Variants in TENM3 observed in about 807,000 individuals in gnomAD.
TENM3 encodes teneurin-3.
In TENM3, 63 loss-of-function variants were observed where a neutral mutation model predicts 255.1. The observed-to-expected ratio is 0.25, with a 90% CI of 0.20 to 0.30. The LOEUF is 0.30. TENM3 is among the 10% of genes least tolerant of loss of function. The probability of loss-of-function intolerance (pLI) is 1.00; values close to 1 mark genes in which losing one functional copy is unlikely to be tolerated. For synonymous variants in TENM3, 1,306 were observed against 1,322.3 expected (o/e 0.99, Z 0.27); for missense variants, 2,929 against 3,461.1 (o/e 0.85, Z 3.86).
chr4:181,849,443 T>A, the TENM3 span, among the ~76,000 whole-genome samples: 6 of 152,208 alleles, frequency 3.9e-5, no homozygotes, highest in African/African-American at 9.6e-5. Flanking sequence ...CAAAGTCATT[T>A]TCCTATTGTT....
chr4:182,588,495 A>G (rs1022195057), intron 3 of TENM3, among the ~76,000 whole-genome samples: 3 of 152,220 alleles, frequency 2.0e-5, no homozygotes, highest in African/African-American at 7.2e-5. Context: ...TTTAAAGTCA[A>G]TAAAATTTAA....
chr4:182,162,084 A>G (rs1751389633), intron 1 of TENM3, among the ~76,000 whole-genome samples: 1 of 149,844 alleles, frequency 6.7e-6, no homozygotes, highest in Non-Finnish European at 1.5e-5. Context: ...ATGTCTTGCT[A>G]TGTTGTGCAG....
the TENM3 span, among the ~76,000 whole-genome samples, chr4:181,972,930 C>CA: frequency 3.3e-4 from 49 of 148,410 alleles, no homozygotes; most frequent in Middle Eastern, 3.5e-3. Context: ...TTGGTTTTGC[C>CA]AAAAAAAAAA....
intron 3 of TENM3, among the ~76,000 whole-genome samples, chr4:182,428,572 G>A (rs546437464): frequency 2.9e-4 from 44 of 151,760 alleles, no homozygotes; most frequent in South Asian, 1.7e-3. Flanking sequence ...TATTGATTCC[G>A]TCAGTCAATT....
chr4:182,662,091 GT>G (rs1306264816), intron 6 of TENM3, among the ~76,000 whole-genome samples: 1 of 152,076 alleles, frequency 6.6e-6, no homozygotes, highest in Non-Finnish European at 1.5e-5. Flanking sequence ...TTTATAAAGT[GT>G]TTTTCAGTTC....
At chr4:182,389,604 T>C (rs955678079) in intron 3 of TENM3, among the ~76,000 whole-genome samples, 2 of 152,080 alleles carry the variant, frequency 1.3e-5, no homozygotes, top group Non-Finnish European at 2.9e-5. Context: ...CTATGCACCA[T>C]ATCGTAGAGA....
rs549072755 is a variant in TENM3 at position 182,203,261 on chromosome 4, T to C, written c.-76+58507T>C. Reference sequence around the variant, plus strand: ...GAAAAGAAAATGGGCTCAAATAGAATCTTTTGGTTCCTTCTCCTCCACCCA... The same window carrying C: ...GAAAAGAAAATGGGCTCAAATAGAACCTTTTGGTTCCTTCTCCTCCACCCA... On this transcript the variant is annotated intron_variant, in intron 1 of 2. Transcript: ENST00000512480. Among the ~76,000 whole-genome samples the C allele has an allele frequency of 4.4e-4, 67 of 150,942 alleles. 1 individual carries two copies. Among genetic ancestry groups the C allele is most frequent in the Non-Finnish European group, 4.1e-4 (28 of 67,740 alleles).
chr4:182,738,129 T>C (rs1168199422), intron 17 of TENM3, among the ~76,000 whole-genome samples: 3 of 152,160 alleles, frequency 2.0e-5, no homozygotes, highest in Non-Finnish European at 2.9e-5. Flanking sequence ...ATCTGGACTT[T>C]ATTTTGTGCT....
chr4:182,557,992 A>G (rs1466412920), intron 3 of TENM3, among the ~76,000 whole-genome samples: 1 of 152,158 alleles, frequency 6.6e-6, no homozygotes, highest in Non-Finnish European at 1.5e-5. Flanking sequence ...TTGGAGTATT[A>G]GAAAGAGAGA....
At chr4:181,896,258 AT>A in the TENM3 span, among the ~76,000 whole-genome samples, 5 of 151,366 alleles carry the variant, frequency 3.3e-5, no homozygotes, top group African/African-American at 9.7e-5. Flanking sequence ...TTTGTTCAAG[AT>A]TTTTTTTTCG....
intron 6 of TENM3, among the ~76,000 whole-genome samples, chr4:182,667,430 C>G (rs1220217595): frequency 2.6e-5 from 4 of 152,104 alleles, no homozygotes; most frequent in Admixed American, 6.5e-5. Context: ...ACCTTGTGAT[C>G]CACCTGCCTC....
the TENM3 span, among the ~76,000 whole-genome samples, chr4:181,619,653 T>C: frequency 0.066 from 10,059 of 152,128 alleles, 443 homozygotes; most frequent in East Asian, 0.15. Context: ...GGTCTTGAAC[T>C]CCTGTGCTCC....
the TENM3 span, among the ~76,000 whole-genome samples, chr4:181,678,914 G>A: frequency 3.3e-5 from 5 of 150,846 alleles, no homozygotes; most frequent in African/African-American, 9.7e-5. Context: ...AAATAACAGC[G>A]ATATGATGAT....
At chr4:181,941,311 G>GTTTT in the TENM3 span, among the ~76,000 whole-genome samples, 416 of 119,618 alleles carry the variant, frequency 3.5e-3, no homozygotes, top group African/African-American at 0.011. Flanking sequence ...TTTGTTTGAT[G>GTTTT]TTTTTTTTTT....
chr4:181,721,766 A>T, the TENM3 span, among the ~76,000 whole-genome samples: 2 of 151,964 alleles, frequency 1.3e-5, no homozygotes, highest in South Asian at 2.1e-4. Context: ...CTGGTGGCCT[A>T]GTGTGGGCAA....
the TENM3 span, among the ~76,000 whole-genome samples, chr4:181,652,931 T>C: frequency 1.3e-5 from 2 of 152,216 alleles, no homozygotes; most frequent in Non-Finnish European, 2.9e-5. Context: ...TCTTCTCTTT[T>C]GTGAAATTTT....
chr4:182,783,115 T>C (rs1330089706), intron 24 of TENM3, among the ~76,000 whole-genome samples: 1 of 151,946 alleles, frequency 6.6e-6, no homozygotes, highest in African/African-American at 2.4e-5. Context: ...TAGCTGGTTA[T>C]TTTGCTCGTT....
the TENM3 span, among the ~76,000 whole-genome samples, chr4:181,867,150 T>C: frequency 6.6e-6 from 1 of 152,204 alleles, no homozygotes; most frequent in African/African-American, 2.4e-5. Flanking sequence ...CACCGTGGAA[T>C]TTCTAGCACA....
chr4:182,633,224 T>A (rs1256702248), intron 5 of TENM3, among the ~76,000 whole-genome samples: 1 of 152,160 alleles, frequency 6.6e-6, no homozygotes, highest in Non-Finnish European at 1.5e-5. Flanking sequence ...GAGCCACCAC[T>A]GTGCCCAGCC....
Sources: allele counts gnomAD v4.1 joint callset (sites outside exome capture counted in the v4.1 genomes callset), GRCh38; gene constraint gnomAD v4.1.1; transcripts MANE v1.5; gene names NCBI Gene and HGNC (gene_info 2026-07-23, HGNC 2026-07-21).